Variants in CPQ observed in about 807,000 individuals in gnomAD.
The protein encoded by CPQ is Ser-Met dipeptidase.
CPQ carries 37 observed loss-of-function variants against 45.7 expected under a neutral mutation model. That is an observed-to-expected ratio of 0.81 (90% CI 0.62 to 1.07). The LOEUF (loss-of-function observed/expected upper bound fraction) is 1.07. CPQ is among the 50% of genes least tolerant of loss of function. The pLI is 0.00. For synonymous variants in CPQ, 186 were observed against 205.8 expected, an observed-to-expected ratio of 0.90 and a Z score of 0.82; for missense variants, 537 against 572.9, an observed-to-expected ratio of 0.94 and a Z score of 0.64.
chr8:96,715,332 A>G (rs1314378451), intron 1 of CPQ, among the ~76,000 whole-genome samples: 1 of 152,122 alleles, frequency 6.6e-6, no homozygotes, highest in Non-Finnish European at 1.5e-5. Flanking sequence ...CCTCCCAGTC[A>G]TACTCCTGAC....
intron 1 of CPQ, among the ~76,000 whole-genome samples, chr8:96,705,270 G>A (rs571786273): frequency 1.5e-4 from 23 of 152,108 alleles, no homozygotes; most frequent in Non-Finnish European, 3.1e-4. Context: ...TTGTCCTTGA[G>A]AGTAGAGATT....
At chr8:96,749,237 C>G (rs756340618) in intron 1 of CPQ, among the ~76,000 whole-genome samples, 5 of 152,164 alleles carry the variant, frequency 3.3e-5, no homozygotes, top group Non-Finnish European at 7.3e-5. Flanking sequence ...ACCAAGAACA[C>G]AAGATCTTAT....
At chr8:96,785,376 G>A in intron 2 of CPQ, 46 bp downstream of exon 2, 1 of 1,427,920 alleles carries the variant, frequency 7.0e-7, no homozygotes, top group Non-Finnish European at 9.5e-7. Context: ...TAAAACTAAT[G>A]TCCCTTGGTG....
At position 96,779,327 on chromosome 8, in the gene CPQ, A is replaced by C. The variant is rs138257528; in HGVS notation, c.-34-5537A>C. 2.2e-4 allele frequency among the ~76,000 whole-genome samples: 33 copies of C among 152,134 alleles called. No homozygotes were observed. The East Asian group carries it at 5.8e-3, about 27-fold the overall frequency. Reference sequence around the variant, plus strand: ...TTTTTGTTCTCATGGTACTCTATGCATGAGAATGTTTGAGTATATATATAT... The same window carrying C: ...TTTTTGTTCTCATGGTACTCTATGCCTGAGAATGTTTGAGTATATATATAT... On this transcript the variant is annotated intron_variant, in intron 1 of 7. Coordinates refer to ENST00000220763, the MANE Select transcript of CPQ (RefSeq NM_016134.4).
chr8:96,999,098 A>G (rs1397857796), intron 5 of CPQ, among the ~76,000 whole-genome samples: 1 of 151,954 alleles, frequency 6.6e-6, no homozygotes, highest in African/African-American at 2.4e-5. Flanking sequence ...GAGGAACCTG[A>G]GGCTTAGTTA....
intron 7 of CPQ, among the ~76,000 whole-genome samples, chr8:97,106,484 T>C (rs1350553783): frequency 6.6e-6 from 1 of 152,256 alleles, no homozygotes; most frequent in East Asian, 1.9e-4. Flanking sequence ...CAGTGCTCCC[T>C]GCTCTTGCGG....
intron 1 of CPQ, among the ~76,000 whole-genome samples, chr8:96,740,271 G>A (rs185382713): frequency 1.2e-4 from 19 of 152,126 alleles, no homozygotes; most frequent in Admixed American, 2.0e-4. Context: ...TTTGTCTGTT[G>A]TTGGTGTATA....
At chr8:96,680,092 C>T (rs750548068) in intron 1 of CPQ, among the ~76,000 whole-genome samples, 11 of 152,106 alleles carry the variant, frequency 7.2e-5, no homozygotes, top group Non-Finnish European at 1.5e-4. Flanking sequence ...TTTGCTGTAT[C>T]GAATAGGTTC....
At chr8:96,972,797 G>T (rs1390386211) in intron 5 of CPQ, among the ~76,000 whole-genome samples, 1 of 152,130 alleles carries the variant, frequency 6.6e-6, no homozygotes, top group Non-Finnish European at 1.5e-5. Flanking sequence ...AATCACTACA[G>T]TTCAGCTCTC....
At chr8:96,977,290 A>C (rs117903427) in intron 5 of CPQ, among the ~76,000 whole-genome samples, 2,413 of 151,672 alleles carry the variant, frequency 0.016, 19 homozygotes, top group Non-Finnish European at 0.024. Flanking sequence ...AACACAATGC[A>C]ATACCACCTC....
intron 1 of CPQ, among the ~76,000 whole-genome samples, chr8:96,657,019 CTTT>C (rs201700797): frequency 2.1e-5 from 3 of 143,978 alleles, no homozygotes; most frequent in Admixed American, 1.4e-4. Flanking sequence ...CTCTGGTTAC[CTTT>C]TTTTTTTTTT....
chr8:97,066,387 T>C (rs542974176), intron 7 of CPQ, among the ~76,000 whole-genome samples, 177 bp downstream of exon 7: 1 of 152,218 alleles, frequency 6.6e-6, no homozygotes, highest in Non-Finnish European at 1.5e-5. Flanking sequence ...CCTCACCTTG[T>C]ATTTGTTTAC....
At chr8:96,652,495 T>G (rs1305543225) in intron 1 of CPQ, among the ~76,000 whole-genome samples, 1 of 152,210 alleles carries the variant, frequency 6.6e-6, no homozygotes, top group East Asian at 1.9e-4. Flanking sequence ...TACTTAGAAG[T>G]GGGATTGGTG....
intron 1 of CPQ, among the ~76,000 whole-genome samples, chr8:96,778,840 G>T (rs577635813): frequency 1.3e-5 from 2 of 152,218 alleles, no homozygotes; most frequent in African/African-American, 4.8e-5. Context: ...GCTGATGGGG[G>T]TGGATCACAA....
intron 1 of CPQ, among the ~76,000 whole-genome samples, chr8:96,747,443 C>T (rs1392688626): frequency 6.6e-6 from 1 of 152,020 alleles, no homozygotes; most frequent in African/African-American, 2.4e-5. Context: ...TGTGCTGTAA[C>T]CTGAGCACGT....
chr8:96,780,242 G>A (rs2130805257), intron 1 of CPQ, among the ~76,000 whole-genome samples: 1 of 152,256 alleles, frequency 6.6e-6, no homozygotes, highest in Admixed American at 6.5e-5. Context: ...ACAGAAGATG[G>A]TGCAAATAAC....
chr8:97,123,066 A>AT lies in CPQ; in HGVS notation c.1256-19954_1256-19953insT, dbSNP rs1390093632. Among the ~76,000 whole-genome samples, 78 of 47,796 alleles carry AT rather than the reference A, an allele frequency of 1.6e-3. 5 individuals are homozygous for AT. The highest frequency in any genetic ancestry group is 6.2e-3 in the African/African-American group (41 of 6,654). The allele number at this position is 47,796 out of a possible 152,430, so 31.4% of individuals were successfully genotyped here. A position where few individuals can be genotyped will look rare whatever the true frequency, so the allele number is the denominator to read the frequency against. Reference sequence around the variant, plus strand: ...AATAAATAAAATAAAATAAAATAAAAAAAATAAAATAAAATAAATAAAATA... The same window carrying AT: ...AATAAATAAAATAAAATAAAATAAAATAAAATAAAATAAAATAAATAAAATA... On this transcript the variant is annotated intron_variant, in intron 7 of 7. Transcript: ENST00000220763.
chr8:97,095,291 C>T (rs530850890), intron 7 of CPQ, among the ~76,000 whole-genome samples: 24 of 152,302 alleles, frequency 1.6e-4, no homozygotes, highest in African/African-American at 5.5e-4. Flanking sequence ...CACAACCCAT[C>T]TCTAGGAATA....
intron 1 of CPQ, among the ~76,000 whole-genome samples, chr8:96,770,603 C>T (rs538581161): frequency 1.2e-4 from 18 of 151,462 alleles, no homozygotes; most frequent in African/African-American, 4.1e-4. Flanking sequence ...CTGGAATTGC[C>T]CTTTTTACAT....
Sources: allele counts gnomAD v4.1 joint callset (sites outside exome capture counted in the v4.1 genomes callset), GRCh38; gene constraint gnomAD v4.1.1; transcripts MANE v1.5; gene names NCBI Gene and HGNC (gene_info 2026-07-23, HGNC 2026-07-21).